The following NUP214 variants were observed in gnomAD, a reference collection of about 807,000 sequenced individuals.
The protein encoded by NUP214 is nucleoporin 214.
Under a neutral mutation model 196.2 loss-of-function variants are expected in NUP214, and 79 were observed. The ratio of observed to expected loss-of-function variants is 0.40; its 90% CI spans 0.34 to 0.49. The LOEUF is 0.49. NUP214 is among the 20% of genes least tolerant of loss of function. The pLI, the probability that NUP214 is intolerant of heterozygous loss-of-function variation, is 0.58. For missense variants in NUP214, 2,468 were observed against 2,539.0 expected, an observed-to-expected ratio of 0.97 and a Z score of 0.60; for synonymous variants, 1,020 against 990.5, an observed-to-expected ratio of 1.03 and a Z score of -0.56.
intron 24 of NUP214, among the ~76,000 whole-genome samples, chr9:131,181,508 T>C (rs914299128): frequency 6.6e-6 from 1 of 152,206 alleles, no homozygotes; most frequent in African/African-American, 2.4e-5. Flanking sequence ...ACTATCTTTT[T>C]GGTTATAGTC....
intron 24 of NUP214, among the ~76,000 whole-genome samples, chr9:131,183,522 C>T (rs987487226): frequency 6.6e-6 from 1 of 152,206 alleles, no homozygotes; most frequent in African/African-American, 2.4e-5. Context: ...GCTCAAAGGA[C>T]TTCCTTTAAT....
At chr9:131,139,979 G>A (rs1015359419) in intron 10 of NUP214, among the ~76,000 whole-genome samples, 6 of 152,276 alleles carry the variant, frequency 3.9e-5, no homozygotes, top group Middle Eastern at 3.4e-3. Context: ...AGGTGTCCCC[G>A]TCAGGCACCA....
At chr9:131,147,760 A>G (rs1019278342) in intron 14 of NUP214, among the ~76,000 whole-genome samples, 176 bp downstream of exon 14, 3 of 152,264 alleles carry the variant, frequency 2.0e-5, no homozygotes, top group African/African-American at 7.2e-5. Flanking sequence ...CGTAAAAGCC[A>G]TTTAGCTATT....
intron 26 of NUP214, 114 bp downstream of exon 26, chr9:131,189,245 A>C (rs1833536701): frequency 6.0e-6 from 5 of 836,708 alleles, no homozygotes; most frequent in Non-Finnish European, 1.0e-5. Flanking sequence ...ATTTGATGAG[A>C]TCGGGAGCAT....
At chr9:131,138,924 G>A (rs1255024477) in intron 9 of NUP214, among the ~76,000 whole-genome samples, 1 of 152,180 alleles carries the variant, frequency 6.6e-6, no homozygotes, top group Non-Finnish European at 1.5e-5. Flanking sequence ...CTGGCTTAGT[G>A]CTGCTGTTGG....
chr9:131,210,215 A>G (rs753806500), intron 30 of NUP214, among the ~76,000 whole-genome samples: 38 of 152,234 alleles, frequency 2.5e-4, no homozygotes, highest in Non-Finnish European at 4.6e-4. Context: ...ACCAACCTAT[A>G]GATGATTCAG....
intron 29 of NUP214, among the ~76,000 whole-genome samples, chr9:131,200,752 C>G (rs1290061969): frequency 1.3e-5 from 2 of 151,856 alleles, no homozygotes; most frequent in Non-Finnish European, 2.9e-5. Context: ...CCTGCCTTCT[C>G]ACTCCTTGTC....
rs878989464 is a variant in NUP214 at position 131,199,132 on chromosome 9, A to G, written c.5521+117A>G. Reference sequence around the variant, plus strand: ...GACTCAAAACCCAAAAATAATCTGTAGGTTAAAGAAGACAGCTTGGAGCAC... The same window carrying G: ...GACTCAAAACCCAAAAATAATCTGTGGGTTAAAGAAGACAGCTTGGAGCAC... On this transcript the variant is annotated intron_variant, in intron 29 of 35. Transcript: ENST00000359428. 6 of 1,274,068 alleles carry G rather than the reference A, an allele frequency of 4.7e-6. No individual in the cohort carries two copies. In the South Asian group the frequency reaches 9.1e-5, roughly 19 times the overall value. 78.9% of individuals were successfully genotyped at this position (1,274,068 alleles called of 1,614,324 possible).
At chr9:131,228,566 G>A in intron 33 of NUP214, 1 of 401,018 alleles carries the variant, frequency 2.5e-6, no homozygotes, top group South Asian at 4.9e-5. Flanking sequence ...CCTGGTATGA[G>A]AAATGCTGGT....
At chr9:131,187,138 A>T in intron 24 of NUP214, 151 bp from the exon 25 acceptor site, 1 of 613,234 alleles carries the variant, frequency 1.6e-6, no homozygotes, top group Non-Finnish European at 2.9e-6. Flanking sequence ...ATCCTTCAAA[A>T]AAAATGTCAA....
intron 32 of NUP214, among the ~76,000 whole-genome samples, chr9:131,224,809 CT>C (rs1834678683): frequency 6.6e-6 from 1 of 152,180 alleles, no homozygotes; most frequent in Non-Finnish European, 1.5e-5. Context: ...GGCCACAAGG[CT>C]TTTATCCCAG....
At chr9:131,195,920 G>T (rs1284440810) in intron 28 of NUP214, among the ~76,000 whole-genome samples, 1 of 150,328 alleles carries the variant, frequency 6.7e-6, no homozygotes, top group Non-Finnish European at 1.5e-5. Context: ...AGCTACTCAG[G>T]AGGCTGAGGC....
rs764780304 is a variant in NUP214 at position 131,144,418 on chromosome 9, C to T, written c.1433C>T (p.Ala478Val). ...ATFSLLPAGGAPTVFSFGSSS... is the reference protein window; with the variant it reads ...ATFSLLPAGGVPTVFSFGSSS... ...TTTTCTTTGCTTCCTGCTGGTGGAGCCCCCACTGTGTTCTCCTTTGGTTCT... is the reference window on the plus strand; with the variant it reads ...TTTTCTTTGCTTCCTGCTGGTGGAGTCCCCACTGTGTTCTCCTTTGGTTCT... The change falls in exon 12 of 36, where the codon GCC (alanine) becomes GTC (valine). Residue 478 changes from alanine (A) to valine (V), a missense_variant. Physicochemically the swap from Ala to Val is moderately conservative, Grantham distance 64. This residue lies in a region of NUP214 where 1,801 missense variants were observed against 1,779.4 expected (regional missense o/e 1.01). Coordinates refer to ENST00000359428, the MANE Select transcript of NUP214 (RefSeq NM_005085.4). 4.3e-6 allele frequency: 7 copies of T among 1,614,090 alleles called. No homozygotes were observed. In the South Asian group the frequency reaches 4.4e-5, roughly 10 times the overall value.
At chr9:131,135,115 G>T in intron 8 of NUP214, 111 bp downstream of exon 8, 1 of 781,290 alleles carries the variant, frequency 1.3e-6, no homozygotes, top group Non-Finnish European at 2.1e-6. Flanking sequence ...GGATTGGCAG[G>T]GTCTCACTCC....
rs755083182 is a variant in NUP214, at chr9:131,150,690, T to G, written c.2202T>G (p.Ser734=). The G allele has an allele frequency of 7.4e-6, 12 of 1,614,224 alleles. No individual in the cohort carries two copies. The South Asian group carries it at 1.3e-4, about 18-fold the overall frequency. The part of the protein sequence containing the change: ...TSKACFQVGT[S]EEMKMLRTES... Reference sequence around the variant, plus strand: ...AAGCCTGTTTCCAAGTGGGCACTTCTGAGGAGATGAAGATGCTGCGAACAG... The same window carrying G: ...AAGCCTGTTTCCAAGTGGGCACTTCGGAGGAGATGAAGATGCTGCGAACAG... The change falls in exon 16 of 36, where the codon TCT becomes TCG. Residue 734 remains serine (S), a synonymous_variant. Transcript: ENST00000359428.
chr9:131,154,889 GTTGA>G (rs1832390310), intron 17 of NUP214, among the ~76,000 whole-genome samples: 3 of 152,118 alleles, frequency 2.0e-5, no homozygotes, highest in East Asian at 1.9e-4. Context: ...TTATCCACTC[GTTGA>G]TTGATGGGCA....
At chr9:131,169,424 C>G (rs1016216153) in intron 21 of NUP214, among the ~76,000 whole-genome samples, 1 of 152,144 alleles carries the variant, frequency 6.6e-6, no homozygotes, top group Non-Finnish European at 1.5e-5. Context: ...GCAGGAGGAT[C>G]ACTTGAGCCC....
At chr9:131,231,279 G>A (rs1057367118) in intron 34 of NUP214, among the ~76,000 whole-genome samples, 3 of 151,976 alleles carry the variant, frequency 2.0e-5, no homozygotes, top group South Asian at 2.1e-4. Flanking sequence ...TATAAACTCC[G>A]CCTCCCGGGT....
chr9:131,214,095 G>A (rs1462619230), intron 30 of NUP214, among the ~76,000 whole-genome samples: 2 of 152,174 alleles, frequency 1.3e-5, no homozygotes, highest in Non-Finnish European at 2.9e-5. Flanking sequence ...TGGGCAAAAG[G>A]TTGGGGTTAG....
Sources: gnomAD v4.1 joint callset for allele counts (sites outside exome capture counted in the v4.1 genomes callset) on GRCh38, gnomAD v4.1.1 for gene constraint, gnomAD v4.1.1 regional missense constraint, MANE v1.5 for transcripts, NCBI Gene and HGNC (gene_info 2026-07-23, HGNC 2026-07-21) for gene names.